The following XPO6 variants were observed in gnomAD, a reference collection of about 807,000 sequenced individuals.
The protein encoded by XPO6 is exportin 6, also known as exportin-6.
In XPO6, 3 loss-of-function variants were observed where a neutral mutation model predicts 130.0. The observed-to-expected ratio is 0.02, with a 90% CI of 0.01 to 0.06. The LOEUF is 0.06. Among genes scored for constraint, XPO6 ranks in the 10% least tolerant of loss-of-function variants. The pLI, the probability that XPO6 is intolerant of heterozygous loss-of-function variation, is 1.00. For synonymous variants in XPO6, 524 were observed against 548.9 expected, an observed-to-expected ratio of 0.95 and a Z score of 0.63; for missense variants, 970 against 1,393.0, an observed-to-expected ratio of 0.70 and a Z score of 4.83.
rs557221130 is a variant in XPO6, at chr16:28,125,439, T to A, written c.1766+250A>T. 1.6e-3 allele frequency among the ~76,000 whole-genome samples: 251 copies of A among 152,370 alleles called. 1 individual carries two copies. The highest frequency in any genetic ancestry group is 2.0e-3 in the Non-Finnish European group (134 of 68,034). On this transcript the variant is annotated intron_variant, in intron 13 of 23. Transcript: ENST00000304658. Reference sequence around the variant, plus strand: ...GCGTTTTGTTATGTGCTAGGCACAGTGCTAAGTGCTTTATCTCATTTAATT... The same window carrying A: ...GCGTTTTGTTATGTGCTAGGCACAGAGCTAAGTGCTTTATCTCATTTAATT...
At chr16:28,206,139 TAC>T (rs138219018) in intron 1 of XPO6, among the ~76,000 whole-genome samples, 13,718 of 142,306 alleles carry the variant, frequency 0.096, 1,093 homozygotes, top group African/African-American at 0.22. Context: ...TAGAAAGCAA[TAC>T]ACACACACAC....
intron 2 of XPO6, among the ~76,000 whole-genome samples, chr16:28,180,109 G>C (rs1443046575): frequency 1.3e-5 from 2 of 152,194 alleles, no homozygotes; most frequent in Non-Finnish European, 2.9e-5. Flanking sequence ...GCTCACACCT[G>C]TAATCCCAGC....
chr16:28,191,973 A>G (rs2043793510), intron 1 of XPO6, among the ~76,000 whole-genome samples: 1 of 152,220 alleles, frequency 6.6e-6, no homozygotes. Context: ...ATAAGTTAAC[A>G]TAATGGCTGG....
intron 1 of XPO6, chr16:28,183,400 C>T (rs187967359): frequency 6.6e-6 from 1 of 150,784 alleles, no homozygotes; most frequent in African/African-American, 2.4e-5. Flanking sequence ...CTCTTTCCCC[C>T]GTTCTCACTA....
intron 14 of XPO6, among the ~76,000 whole-genome samples, chr16:28,120,955 C>A (rs1004202370): frequency 6.6e-6 from 1 of 152,240 alleles, no homozygotes; most frequent in Non-Finnish European, 1.5e-5. Context: ...CAAAAGCAGT[C>A]AGTAAGCCAG....
At chr16:28,137,281 C>G (rs2042799277) in intron 9 of XPO6, among the ~76,000 whole-genome samples, 1 of 152,264 alleles carries the variant, frequency 6.6e-6, no homozygotes, top group African/African-American at 2.4e-5. Context: ...CAGATTTTGA[C>G]AGCCCCAGCT....
chr16:28,206,174 ACTATTATATT>A (rs2044027131), intron 1 of XPO6, among the ~76,000 whole-genome samples: 1 of 151,618 alleles, frequency 6.6e-6, no homozygotes, highest in African/African-American at 2.4e-5. Context: ...ACACATATTA[ACTATTATATT>A]GTTAGATTGT....
Position 28,153,719 on chromosome 16 carries a change from C to T in XPO6, c.1098-934G>A, listed in dbSNP as rs886810158. 4 of 985,144 alleles carry T rather than the reference C, an allele frequency of 4.1e-6. No homozygotes were observed. In the African/African-American group the frequency reaches 5.2e-5, roughly 13 times the overall value. 61.0% of individuals were successfully genotyped at this position (985,144 alleles called of 1,614,324 possible). The stretch of plus-strand genomic sequence containing the variant: ...TCATAAATCACATTTCAGAGACCAA[C>T]ACAAAAAGGTAAAGACATACTAGGC... On this transcript the variant is annotated intron_variant, in intron 7 of 23. Transcript: ENST00000304658.
At chr16:28,100,847 C>G (rs1406358243) in intron 23 of XPO6, among the ~76,000 whole-genome samples, 5 of 151,892 alleles carry the variant, frequency 3.3e-5, no homozygotes, top group Admixed American at 6.6e-5. Flanking sequence ...GCCAGCAGCA[C>G]CCAGCTCCCA....
intron 8 of XPO6, among the ~76,000 whole-genome samples, chr16:28,146,706 T>C (rs1007167026): frequency 6.6e-6 from 1 of 152,192 alleles, no homozygotes; most frequent in Non-Finnish European, 1.5e-5. Context: ...AAGTAACACT[T>C]GCAGTCTTCC....
intron 1 of XPO6, among the ~76,000 whole-genome samples, chr16:28,196,714 C>G (rs1043408218): frequency 6.6e-6 from 1 of 152,082 alleles, no homozygotes; most frequent in African/African-American, 2.4e-5. Flanking sequence ...GCAAGGAGTT[C>G]GGGGGGTGAG....
intron 23 of XPO6, 81 bp from the exon 24 acceptor site, chr16:28,098,720 G>T: frequency 9.7e-7 from 1 of 1,031,796 alleles, no homozygotes; most frequent in African/African-American, 1.6e-5. Context: ...TTCCATCCCA[G>T]AGTGTGCACT....
intron 13 of XPO6, among the ~76,000 whole-genome samples, chr16:28,124,242 G>C (rs1224987773): frequency 1.3e-5 from 2 of 152,070 alleles, no homozygotes; most frequent in African/African-American, 2.4e-5. Context: ...ATTTTTAGTA[G>C]AGATGGGGTT....
intron 9 of XPO6, among the ~76,000 whole-genome samples, chr16:28,140,853 T>C (rs2042878309): frequency 6.6e-6 from 1 of 151,770 alleles, no homozygotes; most frequent in Non-Finnish European, 1.5e-5. Flanking sequence ...CAATAAAATA[T>C]ATATGAATAA....
intron 1 of XPO6, among the ~76,000 whole-genome samples, chr16:28,205,917 A>C (rs1460241340): frequency 6.6e-6 from 1 of 151,562 alleles, no homozygotes; most frequent in African/African-American, 2.4e-5. Context: ...GCGCACCTGT[A>C]GTCCCAGCTA....
At chr16:28,126,177 G>A (rs954065916) in intron 12 of XPO6, among the ~76,000 whole-genome samples, 2 of 152,192 alleles carry the variant, frequency 1.3e-5, no homozygotes, top group Non-Finnish European at 2.9e-5. Flanking sequence ...TTACATACAA[G>A]GAGGCACACC....
chr16:28,145,984 C>T (rs2042975798), intron 9 of XPO6, 110 bp downstream of exon 9: 1 of 753,284 alleles, frequency 1.3e-6, no homozygotes, highest in Admixed American at 2.2e-5. Flanking sequence ...GCCTAAACAG[C>T]TTACATGACT....
chr16:28,178,370 G>A (rs2043564182), intron 2 of XPO6, among the ~76,000 whole-genome samples: 2 of 151,836 alleles, frequency 1.3e-5, no homozygotes, highest in South Asian at 2.1e-4. Context: ...GGAGTTGAAA[G>A]ACCAGCCTGG....
chr16:28,145,527 G>T (rs11860168), intron 9 of XPO6, among the ~76,000 whole-genome samples: 2,430 of 152,298 alleles, frequency 0.016, 35 homozygotes, highest in African/African-American at 0.047. Flanking sequence ...TCTCTGGGGT[G>T]TGGGATTATG....
Sources: gnomAD v4.1 joint callset for allele counts (sites outside exome capture counted in the v4.1 genomes callset) on GRCh38, gnomAD v4.1.1 for gene constraint, MANE v1.5 for transcripts, NCBI Gene and HGNC (gene_info 2026-07-23, HGNC 2026-07-21) for gene names.